The following CAMKK2 variants were observed in gnomAD, a reference collection of about 807,000 sequenced individuals.
CAMKK2 encodes calcium/calmodulin-dependent protein kinase kinase 2.
Under a neutral mutation model 67.2 loss-of-function variants are expected in CAMKK2, and 30 were observed. That is an observed-to-expected ratio of 0.45 (90% CI 0.33 to 0.61). The LOEUF (loss-of-function observed/expected upper bound fraction) is 0.61. CAMKK2 is among the 20% of genes least tolerant of loss of function. The pLI, the probability that CAMKK2 is intolerant of heterozygous loss-of-function variation, is 0.02. For missense variants in CAMKK2, 643 were observed against 802.0 expected (o/e 0.80, Z 2.39); for synonymous variants, 322 against 326.2 (o/e 0.99, Z 0.14).
At chr12:121,289,276 T>C (rs539980743) in intron 1 of CAMKK2, among the ~76,000 whole-genome samples, 89 of 151,706 alleles carry the variant, frequency 5.9e-4, no homozygotes, top group Non-Finnish European at 1.0e-3. Flanking sequence ...TCAGTGGCAA[T>C]ACTACAAACA....
At chr12:121,252,352 T>C (rs1048821786) in intron 11 of CAMKK2, among the ~76,000 whole-genome samples, 3 of 152,236 alleles carry the variant, frequency 2.0e-5, no homozygotes, top group Non-Finnish European at 4.4e-5. Flanking sequence ...CACTGCAAGC[T>C]CCGCCTCCTG....
intron 9 of CAMKK2, 97 bp downstream of exon 9, chr12:121,255,453 G>A: frequency 1.0e-6 from 1 of 952,964 alleles, no homozygotes; most frequent in East Asian, 2.8e-5. Flanking sequence ...CCACCTCCCT[G>A]TGCTCCAGGA....
chr12:121,262,840 G>A (rs577432681), intron 6 of CAMKK2, among the ~76,000 whole-genome samples: 50 of 152,228 alleles, frequency 3.3e-4, no homozygotes, highest in African/African-American at 1.1e-3. Flanking sequence ...GATTATAGGC[G>A]TGAGCCATCG....
At chr12:121,268,106 T>TATATATA (rs1441008073) in intron 5 of CAMKK2, among the ~76,000 whole-genome samples, 10 of 60,078 alleles carry the variant, frequency 1.7e-4, no homozygotes, top group African/African-American at 3.2e-4. Flanking sequence ...ATATACTCTA[T>TATATATA]TCATATTACT....
At position 121,238,403 on chromosome 12, in the gene CAMKK2, C is replaced by T. The variant is rs566786867; in HGVS notation, c.*2296G>A. On this transcript the variant is annotated 3_prime_UTR_variant, in exon 17 of 17. Coordinates refer to ENST00000404169, the MANE Select transcript of CAMKK2 (RefSeq NM_001270485.2). ...CTCTTTGCCCACTGGAAGAGCTGCTCATAACAGCACCTCCTTTCCTGACAG... is the reference window on the plus strand; with the variant it reads ...CTCTTTGCCCACTGGAAGAGCTGCTTATAACAGCACCTCCTTTCCTGACAG... The T allele has an allele frequency of 1.9e-4, 29 of 152,660 alleles. No homozygotes were observed. The highest frequency in any genetic ancestry group is 6.7e-4 in the African/African-American group (28 of 41,560). 9.5% of individuals were successfully genotyped at this position (152,660 alleles called of 1,614,324 possible).
chr12:121,295,553 G>A (rs1900973824), intron 1 of CAMKK2, among the ~76,000 whole-genome samples: 2 of 152,308 alleles, frequency 1.3e-5, no homozygotes, highest in Middle Eastern at 3.4e-3. Context: ...TCCTCTGGGG[G>A]CAGAGCTAGG....
intron 1 of CAMKK2, among the ~76,000 whole-genome samples, chr12:121,291,977 A>G (rs960406537): frequency 2.0e-5 from 3 of 150,740 alleles, no homozygotes; most frequent in African/African-American, 7.3e-5. Flanking sequence ...AATCGCTTGA[A>G]CCCAGGAGCT....
Position 121,240,716 on chromosome 12 carries a change from CCTCCTCCGG to C in CAMKK2, c.1741_1749del (p.Pro581_Glu583del). On this transcript the variant is annotated inframe_deletion, in exon 17 of 17. Transcript: ENST00000404169. This position sits in a 1 kb window ranked among gnomAD's most constrained non-coding sequence, Gnocchi z 4.4. ...CCAGGCAGCTACTCGGGCTCCATGG[CCTCCTCCGG>C]CCGCAGTGGATGCATGCGTGCGGGG... 6.2e-7 allele frequency: 1 copy of C among 1,604,552 alleles called. No individual in the cohort carries two copies. Among genetic ancestry groups the C allele is most frequent in the Non-Finnish European group, 8.5e-7 (1 of 1,178,026 alleles).
chr12:121,255,861 C>T (rs375979877), intron 7 of CAMKK2, 57 bp from the exon 8 acceptor site: 1 of 1,531,044 alleles, frequency 6.5e-7, no homozygotes, highest in Non-Finnish European at 9.0e-7. Flanking sequence ...CCATCTCTCT[C>T]TGTCCTCCCC....
Position 121,252,701 on chromosome 12 carries a change from C to A in CAMKK2, c.1121G>T (p.Trp374Leu). Residue 374 changes from tryptophan (W) to leucine (L), a missense_variant, in exon 11 of 17, where the codon TGG becomes TTG. This residue lies in a region of CAMKK2 where 483 missense variants were observed against 625.8 expected (regional missense o/e 0.77). Coordinates refer to ENST00000404169, the MANE Select transcript of CAMKK2 (RefSeq NM_001270485.2). ...GCAGTATAGTGTCACACCCATGGCCCAAACATCCAAGGCCTGCAAGAAAAA... is the reference window on the plus strand; with the variant it reads ...GCAGTATAGTGTCACACCCATGGCCAAAACATCCAAGGCCTGCAAGAAAAA... ...KIFSGKALDV[W>L]AMGVTLYCFV... 6.2e-7 allele frequency: 1 copy of A among 1,614,198 alleles called. No individual in the cohort carries two copies. Among genetic ancestry groups the A allele is most frequent in the East Asian group, 2.2e-5 (1 of 44,888 alleles).
At chr12:121,257,265 GA>G (rs1892492536) in intron 7 of CAMKK2, among the ~76,000 whole-genome samples, 1 of 104,482 alleles carries the variant, frequency 9.6e-6, no homozygotes, top group African/African-American at 3.8e-5. Flanking sequence ...TTTTTTTTTT[GA>G]AATGGAGTCT....
intron 1 of CAMKK2, among the ~76,000 whole-genome samples, chr12:121,279,274 C>T (rs1008539977): frequency 6.6e-6 from 1 of 152,182 alleles, no homozygotes; most frequent in Non-Finnish European, 1.5e-5. Flanking sequence ...TCGGCGCTGG[C>T]AGGGCAAGCG....
At chr12:121,287,106 A>C (rs1425278633) in intron 1 of CAMKK2, among the ~76,000 whole-genome samples, 1 of 151,898 alleles carries the variant, frequency 6.6e-6, no homozygotes, top group African/African-American at 2.4e-5. Flanking sequence ...GGGTTTTGCC[A>C]TGTTGCCCAG....
At position 121,240,433 on chromosome 12, in the gene CAMKK2, TC is replaced by T; in HGVS notation, c.*265del. The T allele has an allele frequency of 5.3e-6, 8 of 1,519,570 alleles. No individual in the cohort carries two copies. Among genetic ancestry groups the T allele is most frequent in the Non-Finnish European group, 7.0e-6 (8 of 1,142,310 alleles). 94.1% of individuals were successfully genotyped at this position (1,519,570 alleles called of 1,614,324 possible). A position where few individuals can be genotyped will look rare whatever the true frequency, so the allele number is the denominator to read the frequency against. On this transcript the variant is annotated 3_prime_UTR_variant, in exon 17 of 17. Transcript: ENST00000404169. The surrounding 1 kb of genome is among the most constrained non-coding windows in gnomAD (Gnocchi z 4.4). ...ATAAAAACGTTTTAAAAAGCAATTG[TC>T]CCAAAATGCACGTGGGTTTGGGTCT...
At chr12:121,297,322 G>C (rs1204767981), upstream of CAMKK2, 1 of 307,946 alleles carries the variant, frequency 3.2e-6, no homozygotes, top group Non-Finnish European at 6.5e-6. Context: ...CTGGACTTTG[G>C]GCCACCACCG....
rs921817201 is a variant in CAMKK2, at chr12:121,260,605, A to C, written c.760-250T>G. The C allele has an allele frequency of 1.5e-5, 8 of 544,950 alleles. No homozygotes were observed. The South Asian group carries it at 1.8e-4, about 12-fold the overall frequency. 33.8% of individuals were successfully genotyped at this position (544,950 alleles called of 1,614,324 possible). A position where few individuals can be genotyped will look rare whatever the true frequency, so the allele number is the denominator to read the frequency against. On this transcript the variant is annotated intron_variant, in intron 6 of 16. Coordinates refer to ENST00000404169, the MANE Select transcript of CAMKK2 (RefSeq NM_001270485.2). ...GGATCTGAACACTCAGGAGGTCGCAAAAGGGAGGGGCCAAAATACTCCCCT... is the reference window on the plus strand; with the variant it reads ...GGATCTGAACACTCAGGAGGTCGCACAAGGGAGGGGCCAAAATACTCCCCT...
intron 10 of CAMKK2, among the ~76,000 whole-genome samples, chr12:121,252,975 G>A (rs1250291318): frequency 6.6e-6 from 1 of 152,298 alleles, no homozygotes; most frequent in East Asian, 1.9e-4. Context: ...GTTTTCACAG[G>A]CACTATTCAG....
intron 1 of CAMKK2, among the ~76,000 whole-genome samples, chr12:121,293,260 A>G (rs1314049543): frequency 1.3e-5 from 2 of 152,202 alleles, no homozygotes; most frequent in Non-Finnish European, 2.9e-5. Flanking sequence ...TCGGGCAACA[A>G]GAGGGAAACT....
At position 121,240,829 on chromosome 12, in the gene CAMKK2, G is replaced by C; in HGVS notation, c.1637C>G (p.Ala546Gly). The change falls in exon 17 of 17, where the codon GCC becomes GGC. Residue 546 changes from alanine to glycine, a missense_variant. Physicochemically the swap from Ala to Gly is moderately conservative, Grantham distance 60. Transcript: ENST00000404169. This position sits in a 1 kb window ranked among gnomAD's most constrained non-coding sequence, Gnocchi z 4.4. ...QRRQPPGHRP[A>G]PRGGGGSALV... ...AGCACTTCCTCCTCCCCCACGGGGGGCGGGTCGGTGCCCTGGAGGTTGTCT... is the reference window on the plus strand; with the variant it reads ...AGCACTTCCTCCTCCCCCACGGGGGCCGGGTCGGTGCCCTGGAGGTTGTCT... 6.2e-7 allele frequency: 1 copy of C among 1,612,358 alleles called. No homozygotes were observed. The highest frequency in any genetic ancestry group is 8.5e-7 in the Non-Finnish European group (1 of 1,179,852).
Sources: allele counts gnomAD v4.1 joint callset (sites outside exome capture counted in the v4.1 genomes callset), GRCh38; gene constraint gnomAD v4.1.1; regional missense constraint gnomAD v4.1.1; non-coding constraint Gnocchi (gnomAD v3.1); transcripts MANE v1.5; gene names NCBI Gene and HGNC (gene_info 2026-07-23, HGNC 2026-07-21).